Variants in EGF observed in about 807,000 individuals in gnomAD.
The protein encoded by EGF is pro-epidermal growth factor.
Under a neutral mutation model 143.8 loss-of-function variants are expected in EGF, and 95 were observed. The observed-to-expected ratio is 0.66, with a 90% confidence interval of 0.56 to 0.78. EGF has a LOEUF of 0.78. EGF is among the 30% of genes least tolerant of loss of function. The probability of loss-of-function intolerance (pLI) is 0.00; values close to 1 mark genes in which losing one functional copy is unlikely to be tolerated. For synonymous variants in EGF, 510 were observed against 510.5 expected, an observed-to-expected ratio of 1.00 and a Z score of 0.01; for missense variants, 1,320 against 1,470.9, an observed-to-expected ratio of 0.90 and a Z score of 1.68.
At chr4:109,933,424 C>CTTTTTTTTT (rs11301315) in intron 1 of EGF, among the ~76,000 whole-genome samples, 5 of 143,758 alleles carry the variant, frequency 3.5e-5, no homozygotes, top group Admixed American at 6.9e-5. Flanking sequence ...TCTTTTTTTT[C>CTTTTTTTTT]TTTTTTTTTT....
In EGF at chr4:109,988,659, A is replaced by T; in HGVS notation, c.2684A>T (p.Tyr895Phe). ...AAGTGCATCAACACCGAAGGTGGTTATGTCTGCCGGTGCTCAGAAGGCTAC... is the reference window on the plus strand; with the variant it reads ...AAGTGCATCAACACCGAAGGTGGTTTTGTCTGCCGGTGCTCAGAAGGCTAC... ...SSKCINTEGG[Y>F]VCRCSEGYQG... The change falls in exon 18 of 24, where the codon TAT becomes TTT. Residue 895 changes from tyrosine (Y) to phenylalanine (F), a missense_variant. By Grantham distance (22) the Tyr-to-Phe change is conservative. Transcript: ENST00000265171. The T allele has an allele frequency of 1.2e-6, 2 of 1,614,064 alleles. No homozygotes were observed. Among genetic ancestry groups the T allele is most frequent in the Non-Finnish European group, 1.7e-6 (2 of 1,179,928 alleles).
At chr4:109,930,056 C>T (rs1424854661) in intron 1 of EGF, among the ~76,000 whole-genome samples, 1 of 152,332 alleles carries the variant, frequency 6.6e-6, no homozygotes, top group Non-Finnish European at 1.5e-5. Flanking sequence ...TTTGCTGTCT[C>T]TTCTCGCTCC....
chr4:109,971,455 A>C (rs1747644332), intron 11 of EGF, among the ~76,000 whole-genome samples: 1 of 152,192 alleles, frequency 6.6e-6, no homozygotes, highest in East Asian at 1.9e-4. Context: ...TCTCGGGTCC[A>C]CTAAGGATGC....
In EGF at chr4:109,988,667, C is replaced by T. The variant is rs749307546; in HGVS notation, c.2692C>T (p.Arg898Trp). Residue 898 changes from arginine (R) to tryptophan (W), a missense_variant, in exon 18 of 24, where the codon CGG (arginine) becomes TGG (tryptophan). Coordinates refer to ENST00000265171, the MANE Select transcript of EGF (RefSeq NM_001963.6). ...CINTEGGYVC[R>W]CSEGYQGDGI... ...CAACACCGAAGGTGGTTATGTCTGC[C>T]GGTGCTCAGAAGGCTACCAAGGAGA... is the stretch of plus-strand genomic sequence containing the variant. 9.9e-6 allele frequency: 16 copies of T among 1,613,900 alleles called. No homozygotes were observed. The highest frequency in any genetic ancestry group is 6.7e-5 in the Admixed American group (4 of 60,000).
chr4:109,964,942 A>G (rs1377417373), intron 10 of EGF, among the ~76,000 whole-genome samples: 2 of 152,072 alleles, frequency 1.3e-5, no homozygotes, highest in Non-Finnish European at 2.9e-5. Flanking sequence ...TGGATTAGTA[A>G]TTTGTGTTTT....
intron 1 of EGF, among the ~76,000 whole-genome samples, chr4:109,922,541 T>A (rs1485256384): frequency 1.3e-5 from 2 of 151,720 alleles, no homozygotes; most frequent in Non-Finnish European, 2.9e-5. Context: ...GCAGTGCCAT[T>A]TTCAAACAAA....
chr4:109,959,192 G>T, intron 5 of EGF, 120 bp from the exon 6 acceptor site: 2 of 1,505,690 alleles, frequency 1.3e-6, no homozygotes, highest in South Asian at 1.2e-5. Flanking sequence ...GTTTGCCTCC[G>T]TGAGAGATGC....
chr4:109,975,339 T>G (rs912867650), intron 12 of EGF, among the ~76,000 whole-genome samples: 20 of 152,202 alleles, frequency 1.3e-4, no homozygotes, highest in Non-Finnish European at 2.4e-4. Flanking sequence ...CCAACCCTAT[T>G]TTATTTACAC....
At chr4:110,009,632 ATAACT>A (rs1753752871) in intron 23 of EGF, among the ~76,000 whole-genome samples, 1 of 152,134 alleles carries the variant, frequency 6.6e-6, no homozygotes, top group Non-Finnish European at 1.5e-5. Flanking sequence ...GGCCACTCAT[ATAACT>A]ATCTCCCAGC....
At chr4:109,937,880 T>C (rs1741133610) in intron 1 of EGF, among the ~76,000 whole-genome samples, 1 of 152,244 alleles carries the variant, frequency 6.6e-6, no homozygotes. Flanking sequence ...CAGAGAGATC[T>C]GCTGTTAGTC....
At chr4:109,935,447 T>C (rs61459968) in intron 1 of EGF, among the ~76,000 whole-genome samples, 18,877 of 152,158 alleles carry the variant, frequency 0.12, 1,673 homozygotes, top group African/African-American at 0.24. Flanking sequence ...CTTAAGGAGA[T>C]TTTGGGCTGA....
intron 10 of EGF, 86 bp from the exon 11 acceptor site, chr4:109,968,885 T>C (rs563723808): frequency 6.3e-7 from 1 of 1,580,234 alleles, no homozygotes; most frequent in Non-Finnish European, 8.7e-7. Flanking sequence ...CTTAACACCC[T>C]GTACAACCTA....
intron 10 of EGF, among the ~76,000 whole-genome samples, chr4:109,965,142 G>A (rs1336804599): frequency 6.6e-6 from 1 of 152,080 alleles, no homozygotes; most frequent in African/African-American, 2.4e-5. Context: ...TTTCTTAGTT[G>A]TATCTGTGCT....
chr4:110,011,368 C>A lies in EGF; in HGVS notation c.3537C>A (p.Val1179=). The A allele has an allele frequency of 6.2e-7, 1 of 1,614,070 alleles. No homozygotes were observed. The highest frequency in any genetic ancestry group is 8.5e-7 in the Non-Finnish European group (1 of 1,180,016). ...SYGTQTLEGG[V]EKPHSLLSAN... ...GGACACAGACCCTTGAAGGGGGTGT[C>A]GAGAAGCCCCATTCTCTCCTATCAG... Residue 1179 remains valine, a synonymous_variant, in exon 24 of 24, where the codon GTC becomes GTA. Transcript: ENST00000265171.
At chr4:109,926,013 G>C (rs1483986021) in intron 1 of EGF, among the ~76,000 whole-genome samples, 1 of 152,120 alleles carries the variant, frequency 6.6e-6, no homozygotes, top group Non-Finnish European at 1.5e-5. Flanking sequence ...TACTGGATGG[G>C]GAGTAATCAT....
rs1754113495 is a variant in EGF, at chr4:110,012,792, G to A, written c.*1337G>A. Among the ~76,000 whole-genome samples the A allele has an allele frequency of 6.6e-6, 1 of 152,080 alleles. No homozygotes were observed. ...GGTGTTCTAATTAAATATTTTTCTT[G>A]CAGCCAAGATATTGTTACTACAGAT... On this transcript the variant is annotated 3_prime_UTR_variant, in exon 24 of 24. Transcript: ENST00000265171.
At chr4:110,001,712 C>A (rs886983083) in intron 21 of EGF, 19 of 985,284 alleles carry the variant, frequency 1.9e-5, no homozygotes, top group Middle Eastern at 5.2e-4. Context: ...ACCAGCTCAG[C>A]TGAAAGATGA....
intron 23 of EGF, among the ~76,000 whole-genome samples, chr4:110,009,807 C>T (rs1310210433): frequency 6.6e-6 from 1 of 152,204 alleles, no homozygotes; most frequent in South Asian, 2.1e-4. Flanking sequence ...AAACTCATTA[C>T]AACACAATAC....
rs955269008 is a variant in EGF at position 109,988,526 on chromosome 4, A to C, written c.2609-58A>C. On this transcript the variant is annotated intron_variant, in intron 17 of 23. Transcript: ENST00000265171. ...ACGATTATGCTTATTCTTTCCAACT[A>C]GTCCCATTTATATCAGGATTGCCTA... 27 of 1,611,122 alleles carry C rather than the reference A, an allele frequency of 1.7e-5. No homozygotes were observed. In the South Asian group the frequency reaches 3.0e-4, roughly 18 times the overall value.
Sources: allele counts gnomAD v4.1 joint callset (sites outside exome capture counted in the v4.1 genomes callset), GRCh38; gene constraint gnomAD v4.1.1; transcripts MANE v1.5; gene names NCBI Gene and HGNC (gene_info 2026-07-23, HGNC 2026-07-21).